CPS1: variants seen among roughly 807,000 people sequenced by gnomAD.
CPS1 encodes the protein carbamoyl-phosphate synthase [ammonia], mitochondrial.
CPS1 carries 109 observed loss-of-function variants against 174.6 expected under a neutral mutation model. That is an observed-to-expected ratio of 0.62 (90% CI 0.53 to 0.73). The LOEUF is 0.73. Among genes scored for constraint, CPS1 ranks in the 30% least tolerant of loss-of-function variants. The pLI, the probability that CPS1 is intolerant of heterozygous loss-of-function variation, is 0.00. For synonymous variants in CPS1, 637 were observed against 632.0 expected, an observed-to-expected ratio of 1.01 and a Z score of -0.12; for missense variants, 1,689 against 1,821.9, an observed-to-expected ratio of 0.93 and a Z score of 1.33.
chr2:210,591,205 TC>T (rs1439991804), intron 9 of CPS1, among the ~76,000 whole-genome samples: 1 of 152,016 alleles, frequency 6.6e-6, no homozygotes. Context: ...TTATTTTCCT[TC>T]CCTTGGCATA....
intron 1 of CPS1, among the ~76,000 whole-genome samples, chr2:210,548,471 A>G (rs1011668738): frequency 6.6e-6 from 1 of 152,070 alleles, no homozygotes; most frequent in Non-Finnish European, 1.5e-5. Flanking sequence ...TGATCTTGAT[A>G]GGGGCAAGTA....
rs1437929104 is a variant in CPS1, at chr2:210,561,718, G to A, written c.126+4859G>A. Among the ~76,000 whole-genome samples, 4 of 152,298 alleles carry A rather than the reference G, an allele frequency of 2.6e-5. No homozygotes were observed. In the East Asian group the frequency reaches 5.8e-4, roughly 22 times the overall value. ...AAAAGCTGCGCGGGCCAAGGTCAAAGTTTGTGTTAGGCTCCTTAGCCCTAG... is the reference window on the plus strand; with the variant it reads ...AAAAGCTGCGCGGGCCAAGGTCAAAATTTGTGTTAGGCTCCTTAGCCCTAG... On this transcript the variant is annotated intron_variant, in intron 1 of 37. Coordinates refer to ENST00000233072, the MANE Select transcript of CPS1 (RefSeq NM_001875.5).
chr2:210,592,051 A>G (rs1404662168), intron 10 of CPS1, 82 bp downstream of exon 10: 2 of 1,431,772 alleles, frequency 1.4e-6, no homozygotes, highest in East Asian at 2.4e-5. Context: ...AGCATTGTAT[A>G]TATTTATGAG....
chr2:210,508,125 G>T (rs1227105809), intron 1 of CPS1, among the ~76,000 whole-genome samples: 3 of 149,960 alleles, frequency 2.0e-5, no homozygotes, highest in Non-Finnish European at 4.5e-5. Flanking sequence ...CACATAGTTG[G>T]AAGTAAAGCA....
At chr2:210,635,429 C>T (rs112138459) in intron 21 of CPS1, among the ~76,000 whole-genome samples, 1 of 152,178 alleles carries the variant, frequency 6.6e-6, no homozygotes, top group African/African-American at 2.4e-5. Context: ...TCTGGGGCAG[C>T]ACTGTTCAGT....
At chr2:210,481,682 A>C (rs971102428) in intron 1 of CPS1, among the ~76,000 whole-genome samples, 4 of 152,248 alleles carry the variant, frequency 2.6e-5, no homozygotes, top group African/African-American at 9.6e-5. Flanking sequence ...GAGAAAACTT[A>C]ACATTTTCCT....
intron 21 of CPS1, chr2:210,617,936 A>G (rs550985675): frequency 6.6e-6 from 1 of 152,138 alleles, no homozygotes; most frequent in African/African-American, 2.4e-5. Flanking sequence ...TGGGGGTGCT[A>G]GAAACTTATA....
At chr2:210,618,757 T>G (rs1437546122) in intron 21 of CPS1, 3 of 152,026 alleles carry the variant, frequency 2.0e-5, no homozygotes, top group Admixed American at 1.3e-4. Flanking sequence ...TACTCACCAT[T>G]AGTCTGGGTC....
chr2:210,581,185 G>A (rs1245857758), intron 5 of CPS1, among the ~76,000 whole-genome samples: 1 of 152,096 alleles, frequency 6.6e-6, no homozygotes. Flanking sequence ...CAATGACGAG[G>A]CTATGAGGGC....
chr2:210,628,980 TAGGAG>T (rs1483579790), intron 21 of CPS1, among the ~76,000 whole-genome samples: 1 of 152,178 alleles, frequency 6.6e-6, no homozygotes, highest in Non-Finnish European at 1.5e-5. Flanking sequence ...TTTTAAAATA[TAGGAG>T]TTTCAAATAA....
intron 35 of CPS1, 106 bp downstream of exon 35, chr2:210,675,067 A>G (rs375308343): frequency 9.0e-6 from 8 of 893,306 alleles, no homozygotes; most frequent in Non-Finnish European, 1.3e-5. Context: ...TGTCCTTTTG[A>G]TATGAAAGGT....
chr2:210,498,446 TG>T (rs1224156627), intron 1 of CPS1, among the ~76,000 whole-genome samples: 2 of 152,168 alleles, frequency 1.3e-5, no homozygotes, highest in Non-Finnish European at 2.9e-5. Flanking sequence ...ATTCTTGATT[TG>T]GTTCTCAGCT....
At chr2:210,516,691 CT>C (rs371219044) in intron 1 of CPS1, among the ~76,000 whole-genome samples, 3 of 151,898 alleles carry the variant, frequency 2.0e-5, no homozygotes, top group African/African-American at 7.2e-5. Flanking sequence ...CCCACCTCAT[CT>C]TTTGCATGCA....
intron 13 of CPS1, among the ~76,000 whole-genome samples, chr2:210,597,829 TATACACACACACACAAAC>T (rs1559096951): frequency 1.3e-5 from 2 of 150,376 alleles, no homozygotes; most frequent in South Asian, 2.1e-4. Context: ...CCTTCATATA[TATACACACACACACAAAC>T]ATACACACAC....
At chr2:210,518,419 G>A (rs1224101996) in intron 1 of CPS1, among the ~76,000 whole-genome samples, 2 of 152,016 alleles carry the variant, frequency 1.3e-5, no homozygotes, top group African/African-American at 2.4e-5. Flanking sequence ...AACCATTCTT[G>A]TAGATAGATG....
chr2:210,590,164 A>T lies in CPS1; in HGVS notation c.770A>T (p.Asp257Val). 6.2e-7 allele frequency: 1 copy of T among 1,612,966 alleles called. No homozygotes were observed. Among genetic ancestry groups the T allele is most frequent in the Non-Finnish European group, 8.5e-7 (1 of 1,179,218 alleles). Residue 257 changes from aspartate to valine, a missense_variant, in exon 8 of 38, where the codon GAT (aspartate) becomes GTT (valine). By Grantham distance (152) the Asp-to-Val change is radical (BLOSUM62 -3). Transcript: ENST00000233072. ...CATGATTTCACCAAGATGGAGTATG[A>T]TGGGATTTTGATCGCGGGAGGACCG... Reference protein sequence around the residue: ...WNHDFTKMEYDGILIAGGPGN... With the variant: ...WNHDFTKMEYVGILIAGGPGN...
intron 12 of CPS1, among the ~76,000 whole-genome samples, chr2:210,595,078 G>A (rs1698442589): frequency 6.6e-6 from 1 of 151,708 alleles, no homozygotes; most frequent in Admixed American, 6.6e-5. Flanking sequence ...ATTTGAATAT[G>A]TATGTTAGTG....
At position 210,668,206 on chromosome 2, in the gene CPS1, T is replaced by C. The variant is rs1324553117; in HGVS notation, c.4023T>C (p.Gly1341=). 5 of 1,613,612 alleles carry C rather than the reference T, an allele frequency of 3.1e-6. No individual in the cohort carries two copies. Among genetic ancestry groups the C allele is most frequent in the Non-Finnish European group, 4.2e-6 (5 of 1,179,770 alleles). Reference sequence around the variant, plus strand: ...AACAGGTGGCTTGCTTTGGTGAAGGTATTCATACAGCCTTCCTAAAGGCAA... The same window carrying C: ...AACAGGTGGCTTGCTTTGGTGAAGGCATTCATACAGCCTTCCTAAAGGCAA... ...STGEVACFGE[G]IHTAFLKAML... is the part of the protein sequence containing the mutation. Residue 1341 remains glycine (G), a synonymous_variant, in exon 34 of 38, where the codon GGT becomes GGC. Coordinates refer to ENST00000233072, the MANE Select transcript of CPS1 (RefSeq NM_001875.5).
chr2:210,484,878 T>C (rs1489421495), intron 1 of CPS1, among the ~76,000 whole-genome samples: 1 of 152,184 alleles, frequency 6.6e-6, no homozygotes, highest in Admixed American at 6.5e-5. Context: ...ATTGGTTTTC[T>C]GTGTGGCATG....
Sources: allele counts gnomAD v4.1 joint callset (sites outside exome capture counted in the v4.1 genomes callset), GRCh38; gene constraint gnomAD v4.1.1; transcripts MANE v1.5; gene names NCBI Gene and HGNC (gene_info 2026-07-23, HGNC 2026-07-21).